The following PLAC8L1 variants were observed in gnomAD, a reference collection of about 807,000 sequenced individuals.
PLAC8L1 encodes PLAC8-like protein 1.
PLAC8L1 carries 13 observed loss-of-function variants against 16.3 expected under a neutral mutation model. The observed-to-expected ratio is 0.80, with a 90% confidence interval of 0.52 to 1.27. The LOEUF is 1.27. Among genes scored for constraint, PLAC8L1 ranks in the 50% most tolerant of loss-of-function variants. The pLI is 0.00. For synonymous variants in PLAC8L1, 78 were observed against 79.3 expected (o/e 0.98, Z 0.09); for missense variants, 184 against 220.2 (o/e 0.84, Z 1.04).
At chr5:146,097,351 GT>G (rs1763734289) in intron 2 of PLAC8L1, among the ~76,000 whole-genome samples, 1 of 152,208 alleles carries the variant, frequency 6.6e-6, no homozygotes, top group African/African-American at 2.4e-5. Context: ...AAGGAAGGGA[GT>G]TTCTTTTTGT....
At chr5:146,097,924 G>A (rs971427952) in intron 2 of PLAC8L1, among the ~76,000 whole-genome samples, 2 of 152,164 alleles carry the variant, frequency 1.3e-5, no homozygotes, top group African/African-American at 4.8e-5. Flanking sequence ...TGCCAACAGT[G>A]GAGTCTGTCA....
intron 3 of PLAC8L1, 122 bp downstream of exon 3, chr5:146,085,339 A>G (rs888176561): frequency 1.8e-6 from 2 of 1,096,588 alleles, no homozygotes; most frequent in African/African-American, 3.1e-5. Context: ...AAAGTTTCCC[A>G]CTAAGCATGG....
chr5:146,100,497 T>C (rs1763796102), intron 1 of PLAC8L1, among the ~76,000 whole-genome samples: 1 of 152,126 alleles, frequency 6.6e-6, no homozygotes, highest in African/African-American at 2.4e-5. Flanking sequence ...AAATCTAGCA[T>C]GTCAATTTTA....
At chr5:146,089,771 C>T (rs1034364955) in intron 2 of PLAC8L1, among the ~76,000 whole-genome samples, 11 of 148,248 alleles carry the variant, frequency 7.4e-5, no homozygotes, top group Non-Finnish European at 8.9e-5. Flanking sequence ...TGAAGTCTTC[C>T]TCTGTCGCCC....
chr5:146,096,715 C>G (rs907392917), intron 2 of PLAC8L1, among the ~76,000 whole-genome samples: 6 of 151,676 alleles, frequency 4.0e-5, no homozygotes, highest in African/African-American at 1.4e-4. Flanking sequence ...GGAAAATGGT[C>G]CACTTACTAT....
chr5:146,098,389 C>T, intron 1 of PLAC8L1, 97 bp from the exon 2 acceptor site: 1 of 1,230,094 alleles, frequency 8.1e-7, no homozygotes, highest in Non-Finnish European at 1.1e-6. Context: ...GATAGGGACC[C>T]AATGATGCCA....
chr5:146,096,457 T>C (rs1763719518), intron 2 of PLAC8L1, among the ~76,000 whole-genome samples: 1 of 152,194 alleles, frequency 6.6e-6, no homozygotes, highest in Non-Finnish European at 1.5e-5. Flanking sequence ...GTGGGTTCTA[T>C]ACATCTTCTG....
chr5:146,102,889 C>G (rs113450367), intron 1 of PLAC8L1, among the ~76,000 whole-genome samples: 1 of 152,130 alleles, frequency 6.6e-6, no homozygotes, highest in African/African-American at 2.4e-5. Flanking sequence ...ATGTATGTAC[C>G]TGACACGTAG....
chr5:146,091,486 TATATTATAA>T (rs1763616455), intron 2 of PLAC8L1, among the ~76,000 whole-genome samples: 1 of 152,190 alleles, frequency 6.6e-6, no homozygotes, highest in Non-Finnish European at 1.5e-5. Flanking sequence ...TAATACCATT[TATATTATAA>T]ATATAGAGAA....
At position 146,105,222 on chromosome 5, in the gene PLAC8L1, A is replaced by C. The variant is rs113716122; in HGVS notation, c.-911T>G. Among the ~76,000 whole-genome samples, 9,342 of 152,262 alleles carry C rather than the reference A, an allele frequency of 0.061. 328 individuals carry two copies. The highest frequency in any genetic ancestry group is 0.069 in the Non-Finnish European group (4,694 of 68,010). The stretch of plus-strand genomic sequence containing the variant: ...GAGGATACTGCCAATTATATCATAT[A>C]TTCTTTTCATCAGACCCATAGAGAA... On this transcript the variant is annotated 5_prime_UTR_variant, in exon 1 of 4. Coordinates refer to ENST00000311450, the MANE Select transcript of PLAC8L1 (RefSeq NM_001029869.3).
At position 146,091,032 on chromosome 5, in the gene PLAC8L1, C is replaced by T. The variant is rs368033233; in HGVS notation, c.257-5435G>A. ...TCGCACCACTGCACTCCAGCCCGAG[C>T]GACAAGAGCAAAACTCTGTCTCGAA... is the stretch of plus-strand genomic sequence containing the variant. On this transcript the variant is annotated intron_variant, in intron 2 of 3. Coordinates refer to ENST00000311450, the MANE Select transcript of PLAC8L1 (RefSeq NM_001029869.3). Among the ~76,000 whole-genome samples, 13 of 151,396 alleles carry T rather than the reference C, an allele frequency of 8.6e-5. No homozygotes were observed. In the South Asian group the frequency reaches 1.3e-3, roughly 15 times the overall value.
intron 1 of PLAC8L1, chr5:146,103,939 A>G: frequency 6.1e-6 from 6 of 985,440 alleles, no homozygotes; most frequent in South Asian, 4.7e-5. Context: ...ATAAAGTTCC[A>G]CTTGGTCAGG....
In PLAC8L1 at chr5:146,096,442, T is replaced by C. The variant is rs530684851; in HGVS notation, c.256+1714A>G. 5.3e-5 allele frequency among the ~76,000 whole-genome samples: 8 copies of C among 152,318 alleles called. 1 individual carries two copies. The South Asian group carries it at 1.7e-3, about 32-fold the overall frequency. On this transcript the variant is annotated intron_variant, in intron 2 of 3. Coordinates refer to ENST00000311450, the MANE Select transcript of PLAC8L1 (RefSeq NM_001029869.3). ...GATCCAGTTATGCCCAAACCAGTGTTAAGAGTGGGTTCTATACATCTTCTG... is the reference window on the plus strand; with the variant it reads ...GATCCAGTTATGCCCAAACCAGTGTCAAGAGTGGGTTCTATACATCTTCTG...
chr5:146,095,166 T>C (rs1763689349), intron 2 of PLAC8L1, among the ~76,000 whole-genome samples: 1 of 152,194 alleles, frequency 6.6e-6, no homozygotes, highest in South Asian at 2.1e-4. Context: ...TTTAAAACAC[T>C]ATGAGCAGTC....
At chr5:146,098,643 C>A (rs568924999) in intron 1 of PLAC8L1, among the ~76,000 whole-genome samples, 1 of 152,340 alleles carries the variant, frequency 6.6e-6, no homozygotes, top group African/African-American at 2.4e-5. Flanking sequence ...GGTTAAATGA[C>A]TTTACCTCTC....
chr5:146,102,317 C>T (rs1207548780), intron 1 of PLAC8L1, among the ~76,000 whole-genome samples: 1 of 152,010 alleles, frequency 6.6e-6, no homozygotes, highest in Non-Finnish European at 1.5e-5. Flanking sequence ...TATTTATTTC[C>T]TTAATACCCT....
chr5:146,090,931 G>A (rs1012010383), intron 2 of PLAC8L1, among the ~76,000 whole-genome samples: 3 of 152,018 alleles, frequency 2.0e-5, no homozygotes, highest in Non-Finnish European at 2.9e-5. Flanking sequence ...GCAGGTGTCT[G>A]TAATCCCAGC....
chr5:146,086,000 T>C (rs910822984), intron 2 of PLAC8L1, among the ~76,000 whole-genome samples: 2 of 151,464 alleles, frequency 1.3e-5, no homozygotes, highest in Admixed American at 6.6e-5. Flanking sequence ...CAGACATCTA[T>C]TTCTATAAGT....
intron 2 of PLAC8L1, among the ~76,000 whole-genome samples, chr5:146,091,630 C>T (rs1485563150): frequency 7.1e-6 from 1 of 141,830 alleles, no homozygotes; most frequent in African/African-American, 2.4e-5. Context: ...GACTCCATCT[C>T]TACAAAAAAA....
Sources: allele counts gnomAD v4.1 joint callset (sites outside exome capture counted in the v4.1 genomes callset), GRCh38; gene constraint gnomAD v4.1.1; transcripts MANE v1.5; gene names NCBI Gene and HGNC (gene_info 2026-07-23, HGNC 2026-07-21).